The following RBM26 variants were observed in gnomAD, a reference collection of about 807,000 sequenced individuals.
RBM26 encodes RNA-binding protein 26.
A neutral mutation model predicts 123.6 loss-of-function variants in RBM26; 30 were observed. The observed-to-expected ratio is 0.24, with a 90% confidence interval of 0.18 to 0.33. The LOEUF (loss-of-function observed/expected upper bound fraction) is 0.33, where lower values mean the gene tolerates loss of function less well. Among genes scored for constraint, RBM26 ranks in the 10% least tolerant of loss-of-function variants. The pLI is 1.00. For missense variants in RBM26, 947 were observed against 1,203.6 expected (o/e 0.79, Z 3.15); for synonymous variants, 400 against 404.4 (o/e 0.99, Z 0.13).
intron 1 of RBM26, among the ~76,000 whole-genome samples, chr13:79,381,028 AAAAT>A (rs1376297188): frequency 6.6e-6 from 1 of 152,164 alleles, no homozygotes; most frequent in East Asian, 1.9e-4. Context: ...AACTAACAAT[AAAAT>A]AATAGCAGTA....
exon 5 of RBM26, chr13:79,312,094 C>G (rs567291985): frequency 6.6e-6 from 1 of 151,956 alleles, no homozygotes; most frequent in Non-Finnish European, 1.5e-5. Flanking sequence ...ACTCAAAGAG[C>G]AGGGAAATTT....
chr13:79,391,279 A>T (rs921431396), intron 1 of RBM26, among the ~76,000 whole-genome samples: 1 of 152,252 alleles, frequency 6.6e-6, no homozygotes, highest in African/African-American at 2.4e-5. Flanking sequence ...TACAGTAAGC[A>T]CAACTAGTGA....
intron 16 of RBM26, among the ~76,000 whole-genome samples, chr13:79,343,410 A>G (rs1360280991): frequency 1.3e-5 from 2 of 151,902 alleles, no homozygotes; most frequent in Non-Finnish European, 2.9e-5. Flanking sequence ...CTGAATTAGG[A>G]TGGCTTCAGT....
chr13:79,373,682 TATA>T lies in RBM26; in HGVS notation c.328-1755_328-1753del, dbSNP rs1467079100. On this transcript the variant is annotated intron_variant, in intron 3 of 21. Coordinates refer to ENST00000438737, the MANE Select transcript of RBM26 (RefSeq NM_001366735.2). ...TATTTATATATTATATATTACTATATATAATAATATATAATATTTTATATATAT... is the reference window on the plus strand; with the variant it reads ...TATTTATATATTATATATTACTATATATAATATATAATATTTTATATATAT... Among the ~76,000 whole-genome samples the T allele has an allele frequency of 3.9e-3, 204 of 52,770 alleles. 3 individuals carry two copies. In the East Asian group the frequency reaches 0.04, roughly 10 times the overall value. 34.6% of individuals were successfully genotyped at this position (52,770 alleles called of 152,430 possible).
chr13:79,335,030 T>C (rs1337433707), intron 19 of RBM26, among the ~76,000 whole-genome samples: 3 of 152,162 alleles, frequency 2.0e-5, no homozygotes, highest in African/African-American at 7.2e-5. Flanking sequence ...TTCCTGTTTT[T>C]GGTTTGTTGG....
chr13:79,378,856 C>T lies in RBM26; in HGVS notation c.123G>A (p.Lys41=), dbSNP rs1378257110. 1 of 1,613,572 alleles carries T rather than the reference C, an allele frequency of 6.2e-7. No individual in the cohort carries two copies. Among genetic ancestry groups the T allele is most frequent in the Non-Finnish European group, 8.5e-7 (1 of 1,179,616 alleles). ...ALAKYVLALV[K]KDKSEKELKA... ...TTAACTCTTTTTCACTTTTGTCTTT[C>T]TTTACCAAAGCCAGAACATATTTTG... Residue 41 remains lysine, a synonymous_variant, in exon 2 of 22, where the codon AAG becomes AAA. Coordinates refer to ENST00000438737, the MANE Select transcript of RBM26 (RefSeq NM_001366735.2).
At chr13:79,312,792 T>C (rs982224525) in exon 5 of RBM26, 1 of 151,936 alleles carries the variant, frequency 6.6e-6, no homozygotes, top group African/African-American at 2.4e-5. Context: ...ACCACTTTTA[T>C]AAGTATGCTG....
At chr13:79,373,498 TAA>T (rs1403992358) in intron 3 of RBM26, among the ~76,000 whole-genome samples, 30 of 16,302 alleles carry the variant, frequency 1.8e-3, no homozygotes, top group African/African-American at 6.0e-3. Flanking sequence ...ATAATATGTA[TAA>T]ATATACTTAT....
In RBM26 at chr13:79,319,951, T is replaced by TTTTTC. The variant is rs2067495511; in HGVS notation, c.*669_*670insGAAAA. On this transcript the variant is annotated 3_prime_UTR_variant, in exon 22 of 22. Transcript: ENST00000438737. ...TAAATCAAGGAACATTGTCTTGGCT[T>TTTTTC]TTTTTTTTTTTTTTTTTTTGTCATT... 1.3e-5 allele frequency: 3 copies of TTTTTC among 224,942 alleles called. No individual in the cohort carries two copies. The highest frequency in any genetic ancestry group is 2.5e-4 in the East Asian group (1 of 4,012). 13.9% of individuals were successfully genotyped at this position (224,942 alleles called of 1,614,324 possible). A position where few individuals can be genotyped will look rare whatever the true frequency, so the allele number is the denominator to read the frequency against.
chr13:79,381,384 T>C (rs188123243), intron 1 of RBM26, among the ~76,000 whole-genome samples: 201 of 152,134 alleles, frequency 1.3e-3, no homozygotes, highest in African/African-American at 4.6e-3. Context: ...TCAACCAAAC[T>C]AGACATCAAG....
chr13:79,385,864 GCTCT>G (rs1191454394), intron 1 of RBM26, among the ~76,000 whole-genome samples: 2 of 151,802 alleles, frequency 1.3e-5, no homozygotes, highest in South Asian at 2.1e-4. Flanking sequence ...TTTCAGAAAT[GCTCT>G]CTATGTGTGG....
At chr13:79,389,194 A>T (rs2077730857) in intron 1 of RBM26, among the ~76,000 whole-genome samples, 1 of 152,202 alleles carries the variant, frequency 6.6e-6, no homozygotes, top group Non-Finnish European at 1.5e-5. Flanking sequence ...TGGCTCTTTG[A>T]AACAAAAAAC....
downstream of RBM26, chr13:79,318,759 A>G (rs2067378412): frequency 1.0e-6 from 1 of 980,246 alleles, no homozygotes; most frequent in African/African-American, 1.8e-5. Context: ...ATCAAATTAT[A>G]AAGCCAAAAA....
intron 5 of RBM26, among the ~76,000 whole-genome samples, chr13:79,369,722 T>C (rs1050412019): frequency 6.6e-6 from 1 of 152,202 alleles, no homozygotes; most frequent in Admixed American, 6.5e-5. Flanking sequence ...AAATTATACA[T>C]GTTGGGAATG....
At chr13:79,365,516 A>G in intron 9 of RBM26, 62 bp downstream of exon 9, 1 of 1,341,678 alleles carries the variant, frequency 7.5e-7, no homozygotes, top group Non-Finnish European at 1.1e-6. Flanking sequence ...ACTGTTCTTT[A>G]TAAATGTTTT....
At position 79,372,901 on chromosome 13, in the gene RBM26, C is replaced by A. The variant is rs1216950469; in HGVS notation, c.328-971G>T. 5.2e-4 allele frequency among the ~76,000 whole-genome samples: 30 copies of A among 57,846 alleles called. 4 individuals are homozygous for A. Among genetic ancestry groups the A allele is most frequent in the Admixed American group, 4.6e-4 (2 of 4,334 alleles). The allele number at this position is 57,846 out of a possible 152,430, so 37.9% of individuals were successfully genotyped here. A position where few individuals can be genotyped will look rare whatever the true frequency, so the allele number is the denominator to read the frequency against. ...ATTTTATATGCTATATAAAATATAT[C>A]TTATATATTACATATTTTATATAAT... On this transcript the variant is annotated intron_variant, in intron 3 of 21. Transcript: ENST00000438737.
At chr13:79,316,086 G>C (rs1003781892), downstream of RBM26, among the ~76,000 whole-genome samples, 1 of 151,338 alleles carries the variant, frequency 6.6e-6, no homozygotes, top group African/African-American at 2.4e-5. Context: ...TATTTTATAA[G>C]AACAAGAAAA....
At chr13:79,337,337 T>C in intron 18 of RBM26, 35 bp from the exon 19 acceptor site, 1 of 1,610,394 alleles carries the variant, frequency 6.2e-7, no homozygotes, top group Non-Finnish European at 8.5e-7. Flanking sequence ...TAAACAATGC[T>C]GTGATTACTA....
At position 79,320,272 on chromosome 13, in the gene RBM26, A is replaced by G; in HGVS notation, c.*349T>C. ...AAATTCATTCCTTATTTGGAATAAA[A>G]CAAAGTCCTCTAAGTTATAACAAGT... is the stretch of plus-strand genomic sequence containing the variant. On this transcript the variant is annotated 3_prime_UTR_variant, in exon 22 of 22. Coordinates refer to ENST00000438737, the MANE Select transcript of RBM26 (RefSeq NM_001366735.2). 1.0e-6 allele frequency: 1 copy of G among 981,570 alleles called. No homozygotes were observed. The highest frequency in any genetic ancestry group is 1.2e-6 in the Non-Finnish European group (1 of 824,026). The allele number at this position is 981,570 out of a possible 1,614,324, so 60.8% of individuals were successfully genotyped here. A position where few individuals can be genotyped will look rare whatever the true frequency, so the allele number is the denominator to read the frequency against.
Sources: allele counts gnomAD v4.1 joint callset (sites outside exome capture counted in the v4.1 genomes callset), GRCh38; gene constraint gnomAD v4.1.1; transcripts MANE v1.5; gene names NCBI Gene and HGNC (gene_info 2026-07-23, HGNC 2026-07-21).